The following DDAH1 variants were observed in gnomAD, a reference collection of about 807,000 sequenced individuals.
DDAH1 encodes the protein dimethylarginine dimethylaminohydrolase 1.
Under a neutral mutation model 28.8 loss-of-function variants are expected in DDAH1, and 19 were observed. That is an observed-to-expected ratio of 0.66 (90% CI 0.46 to 0.97). The LOEUF (loss-of-function observed/expected upper bound fraction) is 0.97, where lower values mean the gene tolerates loss of function less well. Ranked by LOEUF, DDAH1 falls within the 50% of genes least tolerant of loss-of-function variation. The pLI, the probability that DDAH1 is intolerant of heterozygous loss-of-function variation, is 0.00. For missense variants in DDAH1, 326 were observed against 375.9 expected (o/e 0.87, Z 1.10); for synonymous variants, 153 against 154.4 (o/e 0.99, Z 0.07).
intron 1 of DDAH1, among the ~76,000 whole-genome samples, chr1:85,444,041 C>T (rs887364644): frequency 6.6e-6 from 1 of 152,144 alleles, no homozygotes. Context: ...GCCAGAACTT[C>T]CAACACTATG....
At chr1:85,334,970 T>C (rs1648015538) in intron 4 of DDAH1, among the ~76,000 whole-genome samples, 1 of 151,580 alleles carries the variant, frequency 6.6e-6, no homozygotes, top group South Asian at 2.1e-4. Context: ...AAATTCAGAG[T>C]TTCCCAAACA....
chr1:85,354,417 C>T (rs979872785), intron 2 of DDAH1, among the ~76,000 whole-genome samples: 1 of 152,086 alleles, frequency 6.6e-6, no homozygotes, highest in African/African-American at 2.4e-5. Flanking sequence ...AGTTTCCTGT[C>T]AAGCTTTCAT....
At chr1:85,481,530 C>G (rs922162930) in intron 2 of DDAH1, among the ~76,000 whole-genome samples, 1 of 152,206 alleles carries the variant, frequency 6.6e-6, no homozygotes, top group African/African-American at 2.4e-5. Flanking sequence ...AATGATATCA[C>G]TTAATATTAT....
intron 1 of DDAH1, chr1:85,521,686 T>A (rs1461543273): frequency 1.0e-6 from 1 of 983,164 alleles, no homozygotes; most frequent in Non-Finnish European, 1.2e-6. Flanking sequence ...TTCCTTCTCC[T>A]CCAGCAGGTC....
intron 1 of DDAH1, among the ~76,000 whole-genome samples, chr1:85,525,221 T>A (rs1657822998): frequency 6.6e-6 from 1 of 151,768 alleles, no homozygotes; most frequent in East Asian, 1.9e-4. Context: ...TAACTTGGAG[T>A]AGAGTGTGGA....
intron 1 of DDAH1, among the ~76,000 whole-genome samples, chr1:85,515,242 G>A (rs1242733713): frequency 2.6e-5 from 4 of 150,950 alleles, no homozygotes; most frequent in South Asian, 4.2e-4. Context: ...AAAAAATTAC[G>A]AGTGTTTTTA....
At chr1:85,472,837 C>T (rs906977429) in intron 2 of DDAH1, among the ~76,000 whole-genome samples, 1 of 152,040 alleles carries the variant, frequency 6.6e-6, no homozygotes, top group Admixed American at 6.6e-5. Flanking sequence ...GAACATAGTA[C>T]CCAATAGCAA....
Position 85,321,436 on chromosome 1 carries a change from G to A in DDAH1, c.*16C>T, listed in dbSNP as rs575672231. ...GCCTGTGCGGTCTTGCCGGCTACCG[G>A]GGGGGACTCTGCAGCTCAGGAGTCT... is the stretch of plus-strand genomic sequence containing the variant. On this transcript the variant is annotated 3_prime_UTR_variant, in exon 6 of 6. Coordinates refer to ENST00000284031, the MANE Select transcript of DDAH1 (RefSeq NM_012137.4). 43 of 1,576,800 alleles carry A rather than the reference G, an allele frequency of 2.7e-5. No individual in the cohort carries two copies. The South Asian group carries it at 3.9e-4, about 14-fold the overall frequency.
chr1:85,350,270 A>G, intron 4 of DDAH1, 145 bp downstream of exon 4: 1 of 1,014,268 alleles, frequency 9.9e-7, no homozygotes, highest in Non-Finnish European at 1.4e-6. Flanking sequence ...ATGTGAGGTC[A>G]CAACAGTGCA....
chr1:85,573,148 A>G (rs896534656), intron 1 of DDAH1, among the ~76,000 whole-genome samples: 1 of 152,232 alleles, frequency 6.6e-6, no homozygotes, highest in Non-Finnish European at 1.5e-5. Context: ...CTTCTTTCAC[A>G]TAGTAAGTCC....
intron 1 of DDAH1, among the ~76,000 whole-genome samples, chr1:85,424,412 A>G (rs1653296500): frequency 6.6e-6 from 1 of 152,126 alleles, no homozygotes; most frequent in Non-Finnish European, 1.5e-5. Context: ...TAACATACAG[A>G]ATGAATTATG....
Position 85,464,382 on chromosome 1 carries a change from G to A in DDAH1, c.303+361C>T. The A allele has an allele frequency of 3.1e-6, 3 of 958,078 alleles. No individual in the cohort carries two copies. The highest frequency in any genetic ancestry group is 4.4e-6 in the Non-Finnish European group (3 of 680,340). The allele number at this position is 958,078 out of a possible 1,614,324, so 59.3% of individuals were successfully genotyped here. ...CAGCCTCCACCCGCCCTACCGGAGC[G>A]GCACCCCTCGCGGCCCTCGCTCCCT... On this transcript the variant is annotated intron_variant, in intron 1 of 5. Transcript: ENST00000284031. The surrounding 1 kb of genome is among the most constrained non-coding windows in gnomAD (Gnocchi z 4.4).
intron 1 of DDAH1, among the ~76,000 whole-genome samples, chr1:85,536,948 CATATATAT>C (rs202209648): frequency 0.025 from 2,262 of 91,788 alleles, 50 homozygotes; most frequent in East Asian, 0.06. Context: ...GAAAATGTGG[CATATATAT>C]ATATATATAT....
intron 1 of DDAH1, among the ~76,000 whole-genome samples, chr1:85,385,077 T>G (rs188628357): frequency 6.6e-6 from 1 of 152,226 alleles, no homozygotes; most frequent in South Asian, 2.1e-4. Context: ...ACATTACAAT[T>G]AACAGAGTCT....
chr1:85,330,579 G>A (rs1047128706), intron 4 of DDAH1, among the ~76,000 whole-genome samples: 20 of 152,154 alleles, frequency 1.3e-4, no homozygotes, highest in African/African-American at 4.8e-4. Flanking sequence ...TTCCCTAAGA[G>A]CAGATTACTT....
rs1458121583 is a variant in DDAH1, at chr1:85,481,522, T to C, written c.-7+14644A>G. 9.8e-5 allele frequency among the ~76,000 whole-genome samples: 15 copies of C among 152,368 alleles called. No individual in the cohort carries two copies. In the East Asian group the frequency reaches 2.7e-3, roughly 27 times the overall value. On this transcript the variant is annotated intron_variant, in intron 2 of 6. Transcript: ENST00000426972. ...TTATGAGAATAACTACCCATGTGAA[T>C]GATATCACTTAATATTATACCACCA... is the stretch of plus-strand genomic sequence containing the variant.
At chr1:85,425,422 G>A (rs1188168792) in intron 1 of DDAH1, among the ~76,000 whole-genome samples, 4 of 151,832 alleles carry the variant, frequency 2.6e-5, no homozygotes, top group East Asian at 1.9e-4. Flanking sequence ...ATATTTCTTC[G>A]ATGGATAAAT....
intron 1 of DDAH1, among the ~76,000 whole-genome samples, chr1:85,431,370 C>T (rs947110024): frequency 2.0e-5 from 3 of 152,130 alleles, no homozygotes; most frequent in Admixed American, 2.0e-4. Context: ...CATTTTAGTC[C>T]TGCTAAGGAT....
intron 1 of DDAH1, among the ~76,000 whole-genome samples, chr1:85,524,082 T>C (rs1310826518): frequency 2.8e-4 from 43 of 151,546 alleles, no homozygotes; most frequent in African/African-American, 7.7e-4. Flanking sequence ...ACTTTTTTTT[T>C]CCCCAGCAAG....
Sources: allele counts gnomAD v4.1 joint callset (sites outside exome capture counted in the v4.1 genomes callset), GRCh38; gene constraint gnomAD v4.1.1; non-coding constraint Gnocchi (gnomAD v3.1); transcripts MANE v1.5; gene names NCBI Gene and HGNC (gene_info 2026-07-23, HGNC 2026-07-21).